MACROD2: variants seen among roughly 807,000 people sequenced by gnomAD.
MACROD2 encodes mono-ADP ribosylhydrolase 2, also known as ADP-ribose glycohydrolase MACROD2.
Under a neutral mutation model 70.4 loss-of-function variants are expected in MACROD2, and 36 were observed. The ratio of observed to expected loss-of-function variants is 0.51; its 90% CI spans 0.39 to 0.68. MACROD2 has a LOEUF of 0.68. MACROD2 is among the 30% of genes least tolerant of loss of function. The probability of loss-of-function intolerance (pLI) is 0.00; values close to 1 mark genes in which losing one functional copy is unlikely to be tolerated. For missense variants in MACROD2, 496 were observed against 538.4 expected, an observed-to-expected ratio of 0.92 and a Z score of 0.78; for synonymous variants, 172 against 178.8, an observed-to-expected ratio of 0.96 and a Z score of 0.30.
intron 13 of MACROD2, among the ~76,000 whole-genome samples, chr20:15,977,939 A>G (rs1456341713): frequency 6.6e-6 from 1 of 152,254 alleles, no homozygotes; most frequent in Admixed American, 6.5e-5. Flanking sequence ...CTGAGATCAC[A>G]GCACTTACTT....
chr20:15,976,338 TG>T (rs2066305645), intron 13 of MACROD2, among the ~76,000 whole-genome samples: 1 of 152,254 alleles, frequency 6.6e-6, no homozygotes. Context: ...TCTGTTCTAA[TG>T]GTCCCCTCCC....
rs184872788 is a variant in MACROD2 at position 15,487,731 on chromosome 20, C to G, written c.572-12043C>G. On this transcript the variant is annotated intron_variant, in intron 7 of 17. Coordinates refer to ENST00000684519, the MANE Select transcript of MACROD2 (RefSeq NM_001351661.2). ...GATTCTCCATGCCAAATGTTCACCT[C>G]AGGGGAGCTGAACACTGAGAAGTTT... Among the ~76,000 whole-genome samples, 16 of 152,224 alleles carry G rather than the reference C, an allele frequency of 1.1e-4. No individual in the cohort carries two copies. The East Asian group carries it at 2.9e-3, about 28-fold the overall frequency.
chr20:15,538,385 G>T (rs1260443240), intron 8 of MACROD2, among the ~76,000 whole-genome samples: 1 of 152,200 alleles, frequency 6.6e-6, no homozygotes, highest in East Asian at 1.9e-4. Context: ...GGCTTCAAAA[G>T]GAATCTAAGA....
At chr20:15,245,318 G>T (rs1272158782) in intron 6 of MACROD2, among the ~76,000 whole-genome samples, 4 of 152,108 alleles carry the variant, frequency 2.6e-5, no homozygotes, top group Admixed American at 2.6e-4. Context: ...CTTGAAATGA[G>T]AAAATGTATT....
chr20:15,910,655 C>G (rs1271791660), intron 10 of MACROD2, among the ~76,000 whole-genome samples: 1 of 152,104 alleles, frequency 6.6e-6, no homozygotes, highest in African/African-American at 2.4e-5. Context: ...GGCTGAAGCC[C>G]TGAAATGATG....
chr20:16,041,251 G>C lies in MACROD2; in HGVS notation c.1204G>C (p.Asp402His). 6.2e-7 allele frequency: 1 copy of C among 1,612,152 alleles called. No individual in the cohort carries two copies. The highest frequency in any genetic ancestry group is 8.5e-7 in the Non-Finnish European group (1 of 1,178,986). The change falls in exon 16 of 18, where the codon GAC becomes CAC. Residue 402 changes from aspartate (D) to histidine (H), a missense_variant. Coordinates refer to ENST00000684519, the MANE Select transcript of MACROD2 (RefSeq NM_001351661.2). ...RMPGKSEGSS[D>H]LENTPGPDVE... is the part of the protein sequence containing the mutation. Reference sequence around the variant, plus strand: ...GCCTGGGAAAAGTGAAGGCTCCAGTGACCTAGAAAATACTCCAGGTCCTGA... The same window carrying C: ...GCCTGGGAAAAGTGAAGGCTCCAGTCACCTAGAAAATACTCCAGGTCCTGA...
Position 14,648,286 on chromosome 20 carries a change from A to G in MACROD2, c.302-36557A>G, listed in dbSNP as rs572759826. On this transcript the variant is annotated intron_variant, in intron 4 of 17. Transcript: ENST00000684519. ...GGGTCACTATTCTACAGAAACACAG[A>G]TATCAATATTTACATTACAAATAAG... Among the ~76,000 whole-genome samples the G allele has an allele frequency of 2.0e-5, 3 of 152,292 alleles. No homozygotes were observed. In the South Asian group the frequency reaches 6.2e-4, roughly 32 times the overall value.
intron 5 of MACROD2, among the ~76,000 whole-genome samples, chr20:14,988,602 A>G (rs1320598948): frequency 1.3e-5 from 2 of 152,170 alleles, no homozygotes; most frequent in East Asian, 3.8e-4. Flanking sequence ...GCCTCTGAAG[A>G]TATAACTTGT....
intron 4 of MACROD2, among the ~76,000 whole-genome samples, chr20:14,576,920 A>G (rs964660161): frequency 5.9e-5 from 9 of 152,220 alleles, no homozygotes; most frequent in East Asian, 1.9e-4. Flanking sequence ...TTGTTACTCA[A>G]ACTTTATAAA....
At chr20:15,777,510 TTTCCTTCCTTCCTTCCTTCCTTCCTTCC>T (rs746262814) in intron 8 of MACROD2, among the ~76,000 whole-genome samples, 2,566 of 83,222 alleles carry the variant, frequency 0.031, 70 homozygotes, top group African/African-American at 0.077. Flanking sequence ...TCCTTCCTTC[TTTCCTTCCTTCCTTCCTTCCTTCCTTCC>T]TTCCTTCCTT....
intron 2 of MACROD2, among the ~76,000 whole-genome samples, chr20:14,049,482 T>C (rs749232782): frequency 2.3e-4 from 35 of 151,874 alleles, no homozygotes; most frequent in Non-Finnish European, 4.4e-4. Flanking sequence ...GGCTCACGCT[T>C]ATAATCCCAG....
intron 7 of MACROD2, among the ~76,000 whole-genome samples, chr20:15,461,578 T>G (rs948466522): frequency 6.6e-6 from 1 of 152,188 alleles, no homozygotes; most frequent in African/African-American, 2.4e-5. Context: ...TTTTAGCCTA[T>G]TGGTTTATTT....
intron 8 of MACROD2, among the ~76,000 whole-genome samples, chr20:15,733,141 A>G (rs1427457125): frequency 6.6e-6 from 1 of 152,110 alleles, no homozygotes; most frequent in African/African-American, 2.4e-5. Context: ...ATTTGTGGGC[A>G]TAGAGTTTTT....
At chr20:15,703,171 CCT>C (rs1213206241) in intron 8 of MACROD2, among the ~76,000 whole-genome samples, 9 of 152,170 alleles carry the variant, frequency 5.9e-5, no homozygotes, top group African/African-American at 2.2e-4. Context: ...AAATGTAAGA[CCT>C]CAAGCTATTA....
intron 3 of MACROD2, among the ~76,000 whole-genome samples, chr20:14,229,407 G>C (rs1336641218): frequency 6.6e-6 from 1 of 152,066 alleles, no homozygotes; most frequent in Non-Finnish European, 1.5e-5. Flanking sequence ...AAAAAGTAAG[G>C]GAAAGATTTG....
At chr20:15,584,596 T>C (rs1430017373) in intron 8 of MACROD2, among the ~76,000 whole-genome samples, 1 of 152,194 alleles carries the variant, frequency 6.6e-6, no homozygotes, top group African/African-American at 2.4e-5. Flanking sequence ...AGAGTTCTAT[T>C]GTTGTTTTCA....
chr20:14,355,283 T>C (rs923828540), intron 3 of MACROD2, among the ~76,000 whole-genome samples: 1 of 152,140 alleles, frequency 6.6e-6, no homozygotes, highest in Non-Finnish European at 1.5e-5. Flanking sequence ...TATCAAATTA[T>C]AAAATAATGT....
chr20:14,574,614 T>G (rs946471177), intron 4 of MACROD2, among the ~76,000 whole-genome samples: 1 of 151,874 alleles, frequency 6.6e-6, no homozygotes, highest in Non-Finnish European at 1.5e-5. Context: ...TCTTGCATTT[T>G]GGGAGTGATT....
chr20:15,850,297 C>G lies in MACROD2; in HGVS notation c.646-12448C>G, dbSNP rs189215949. Among the ~76,000 whole-genome samples the G allele has an allele frequency of 1.9e-4, 29 of 152,286 alleles. No individual in the cohort carries two copies. In the East Asian group the frequency reaches 4.1e-3, roughly 21 times the overall value. ...GGGTGATCGAACAGGGGGATTTAAA[C>G]ATCAACTCCCGTCAGTCTTTGGTTG... On this transcript the variant is annotated intron_variant, in intron 8 of 17. Transcript: ENST00000684519.
Sources: gnomAD v4.1 joint callset for allele counts (sites outside exome capture counted in the v4.1 genomes callset) on GRCh38, gnomAD v4.1.1 for gene constraint, MANE v1.5 for transcripts, NCBI Gene and HGNC (gene_info 2026-07-23, HGNC 2026-07-21) for gene names.